The following SRBD1 variants were observed in gnomAD, a reference collection of about 807,000 sequenced individuals.
SRBD1 encodes the protein S1 RNA binding domain 1, also known as S1 RNA-binding domain-containing protein 1.
A neutral mutation model predicts 115.3 loss-of-function variants in SRBD1; 88 were observed. The observed-to-expected ratio is 0.76, with a 90% CI of 0.64 to 0.91. The LOEUF (loss-of-function observed/expected upper bound fraction) is 0.91, where lower values mean the gene tolerates loss of function less well. Ranked by LOEUF, SRBD1 falls within the 40% of genes least tolerant of loss-of-function variation. The pLI is 0.00. For missense variants in SRBD1, 1,385 were observed against 1,177.4 expected, an observed-to-expected ratio of 1.18 and a Z score of -2.58; for synonymous variants, 509 against 407.7, an observed-to-expected ratio of 1.25 and a Z score of -2.99.
At chr2:45,434,040 C>A (rs1161743683) in intron 16 of SRBD1, among the ~76,000 whole-genome samples, 1 of 152,148 alleles carries the variant, frequency 6.6e-6, no homozygotes, top group Admixed American at 6.5e-5. Context: ...AACAGGAAGA[C>A]ATTCTCTTTG....
intron 11 of SRBD1, among the ~76,000 whole-genome samples, chr2:45,551,718 T>C (rs1672307231): frequency 6.6e-6 from 1 of 152,076 alleles, no homozygotes; most frequent in African/African-American, 2.4e-5. Flanking sequence ...AGTAATTTCG[T>C]ATGCTAAAGT....
At chr2:45,481,639 CAT>C (rs1306046979) in intron 15 of SRBD1, among the ~76,000 whole-genome samples, 2 of 152,048 alleles carry the variant, frequency 1.3e-5, no homozygotes, top group African/African-American at 4.8e-5. Flanking sequence ...GAAATGGAAA[CAT>C]ATGTCCATAT....
chr2:45,576,080 A>G (rs35115371), intron 7 of SRBD1, among the ~76,000 whole-genome samples: 16,184 of 151,692 alleles, frequency 0.11, 1,083 homozygotes, highest in East Asian at 0.21. Context: ...CACCTCCTCC[A>G]CCACTTCTGC....
At chr2:45,397,343 A>G (rs1331647455) in intron 19 of SRBD1, among the ~76,000 whole-genome samples, 1 of 152,170 alleles carries the variant, frequency 6.6e-6, no homozygotes, top group Non-Finnish European at 1.5e-5. Context: ...CTATGTATAC[A>G]TTTCTTTAAA....
intron 14 of SRBD1, among the ~76,000 whole-genome samples, chr2:45,531,784 G>A (rs1671619770): frequency 6.6e-6 from 1 of 151,736 alleles, no homozygotes; most frequent in Non-Finnish European, 1.5e-5. Flanking sequence ...CATATGGCAA[G>A]CCTTCTCTGA....
At chr2:45,436,622 T>C (rs1668507604) in intron 16 of SRBD1, among the ~76,000 whole-genome samples, 1 of 152,106 alleles carries the variant, frequency 6.6e-6, no homozygotes, top group African/African-American at 2.4e-5. Context: ...AGAGAGTGTG[T>C]GTCTAAGTGC....
chr2:45,474,649 A>C (rs752269356), intron 16 of SRBD1, among the ~76,000 whole-genome samples: 5 of 152,180 alleles, frequency 3.3e-5, no homozygotes, highest in Non-Finnish European at 5.9e-5. Flanking sequence ...GTTTGGCTCT[A>C]CCGGGAACTG....
chr2:45,605,725 G>A lies in SRBD1; in HGVS notation c.1-284C>T, dbSNP rs111442746. Reference sequence around the variant, plus strand: ...TCGAGACCAGCCTGGCCAACATGGTGAAACTCAGTCTCTACTAAAAATAGA... The same window carrying A: ...TCGAGACCAGCCTGGCCAACATGGTAAAACTCAGTCTCTACTAAAAATAGA... On this transcript the variant is annotated intron_variant, in intron 1 of 20. Coordinates refer to ENST00000263736, the MANE Select transcript of SRBD1 (RefSeq NM_018079.5). Among the ~76,000 whole-genome samples, 22 of 152,182 alleles carry A rather than the reference G, an allele frequency of 1.4e-4. No individual in the cohort carries two copies. In the South Asian group the frequency reaches 4.4e-3, roughly 30 times the overall value.
At chr2:45,596,837 A>G (rs1368343367) in intron 4 of SRBD1, among the ~76,000 whole-genome samples, 2 of 152,106 alleles carry the variant, frequency 1.3e-5, no homozygotes, top group African/African-American at 4.8e-5. Flanking sequence ...ACCTAGATTT[A>G]TAAATTTACA....
At chr2:45,590,419 A>G (rs931344830) in intron 4 of SRBD1, among the ~76,000 whole-genome samples, 1 of 152,314 alleles carries the variant, frequency 6.6e-6, no homozygotes, top group Admixed American at 6.5e-5. Context: ...ATGGTTCAGG[A>G]GTTGATATGG....
intron 4 of SRBD1, among the ~76,000 whole-genome samples, chr2:45,595,037 A>AC (rs919409409): frequency 2.6e-5 from 4 of 152,054 alleles, no homozygotes; most frequent in Non-Finnish European, 5.9e-5. Context: ...TATAAAACCA[A>AC]CCCCCCTGCT....
intron 19 of SRBD1, among the ~76,000 whole-genome samples, chr2:45,403,069 A>G (rs557460458): frequency 1.3e-5 from 2 of 152,312 alleles, no homozygotes; most frequent in African/African-American, 4.8e-5. Flanking sequence ...TGATGACAGA[A>G]AACAGTAAGA....
Position 45,585,743 on chromosome 2 carries a change from C to A in SRBD1, c.680G>T (p.Trp227Leu). 6.2e-7 allele frequency: 1 copy of A among 1,608,360 alleles called. No individual in the cohort carries two copies. Among genetic ancestry groups the A allele is most frequent in the Non-Finnish European group, 8.5e-7 (1 of 1,178,642 alleles). Residue 227 changes from tryptophan to leucine, a missense_variant, in exon 5 of 21, where the codon TGG becomes TTG. Physicochemically the swap from Trp to Leu is moderately conservative, Grantham distance 61 (BLOSUM62 -2). Coordinates refer to ENST00000263736, the MANE Select transcript of SRBD1 (RefSeq NM_018079.5). ...VLSERTNIEP[W>L]VCANIIRLFN... is the part of the protein sequence containing the mutation. ...GAGACGAATGATGTTGGCACAAACC[C>A]AAGGTTCAATATTAGTTCTCTCAGA...
At chr2:45,526,717 A>G (rs2103970485) in intron 14 of SRBD1, among the ~76,000 whole-genome samples, 1 of 152,132 alleles carries the variant, frequency 6.6e-6, no homozygotes, top group East Asian at 1.9e-4. Flanking sequence ...ATAGAAAAAT[A>G]TTGTATAATT....
At chr2:45,446,402 G>A (rs903841563) in intron 16 of SRBD1, among the ~76,000 whole-genome samples, 5 of 152,032 alleles carry the variant, frequency 3.3e-5, no homozygotes, top group African/African-American at 1.2e-4. Context: ...TACTGAGGTA[G>A]GAGAACAAGA....
At chr2:45,593,900 A>C (rs1219986867) in intron 4 of SRBD1, among the ~76,000 whole-genome samples, 4 of 152,232 alleles carry the variant, frequency 2.6e-5, no homozygotes, top group African/African-American at 7.2e-5. Context: ...ATTGGAAAAT[A>C]GTATAAAGGG....
intron 2 of SRBD1, among the ~76,000 whole-genome samples, chr2:45,602,566 A>G (rs1396058860): frequency 1.3e-5 from 2 of 152,242 alleles, no homozygotes; most frequent in African/African-American, 4.8e-5. Flanking sequence ...ATTAAAAGCC[A>G]GCACCAAGAC....
chr2:45,605,914 A>G (rs886075633), intron 1 of SRBD1, among the ~76,000 whole-genome samples: 1 of 151,568 alleles, frequency 6.6e-6, no homozygotes, highest in Non-Finnish European at 1.5e-5. Context: ...AAAAAAAAAA[A>G]AAAAAGAAAA....
chr2:45,519,093 A>T (rs1269572226), intron 14 of SRBD1, among the ~76,000 whole-genome samples: 1 of 151,210 alleles, frequency 6.6e-6, no homozygotes, highest in Non-Finnish European at 1.5e-5. Context: ...TCTAGGAGTG[A>T]CTATAAGCTA....
Sources: allele counts gnomAD v4.1 joint callset (sites outside exome capture counted in the v4.1 genomes callset), GRCh38; gene constraint gnomAD v4.1.1; transcripts MANE v1.5; gene names NCBI Gene and HGNC (gene_info 2026-07-23, HGNC 2026-07-21).